CASP6: variants seen among roughly 807,000 people sequenced by gnomAD.
The protein encoded by CASP6 is caspase-6.
CASP6 carries 20 observed loss-of-function variants against 31.8 expected under a neutral mutation model. The ratio of observed to expected loss-of-function variants is 0.63; its 90% CI spans 0.44 to 0.91. The LOEUF (loss-of-function observed/expected upper bound fraction) is 0.91, where lower values mean the gene tolerates loss of function less well. CASP6 is among the 40% of genes least tolerant of loss of function. The probability of loss-of-function intolerance (pLI) is 0.00; values close to 1 mark genes in which losing one functional copy is unlikely to be tolerated. For synonymous variants in CASP6, 130 were observed against 127.8 expected (o/e 1.02, Z -0.12); for missense variants, 328 against 361.1 (o/e 0.91, Z 0.74).
chr4:109,680,255 G>A, the CASP6 span, among the ~76,000 whole-genome samples: 1 of 152,188 alleles, frequency 6.6e-6, no homozygotes, highest in African/African-American at 2.4e-5. Flanking sequence ...GGTATGAGAA[G>A]TTTATTTCTC....
At chr4:109,690,394 A>T (rs897247684) in intron 6 of CASP6, among the ~76,000 whole-genome samples, 3 of 151,936 alleles carry the variant, frequency 2.0e-5, no homozygotes, top group African/African-American at 7.2e-5. Flanking sequence ...ATGGTGGTGC[A>T]TGCCTATAGT....
At chr4:109,696,626 G>T (rs1037682862) in intron 3 of CASP6, 140 bp from the exon 4 acceptor site, 3 of 579,024 alleles carry the variant, frequency 5.2e-6, no homozygotes, top group Non-Finnish European at 9.1e-6. Flanking sequence ...TATAACAATG[G>T]TGGTTTTCCC....
At chr4:109,688,322 T>C (rs1259312845), downstream of CASP6, 2 of 152,158 alleles carry the variant, frequency 1.3e-5, no homozygotes, top group East Asian at 3.8e-4. Flanking sequence ...TTAATGTGAT[T>C]GTGTGTGAAT....
the CASP6 span, chr4:109,664,531 C>A: frequency 1.8e-6 from 1 of 556,046 alleles, no homozygotes; most frequent in Non-Finnish European, 3.2e-6. Context: ...CTCAAACAAT[C>A]CTCCCACCTC....
chr4:109,665,379 A>G, the CASP6 span, among the ~76,000 whole-genome samples: 2 of 152,178 alleles, frequency 1.3e-5, no homozygotes, highest in South Asian at 4.1e-4. Flanking sequence ...GCTTATATCA[A>G]TTAGCCTATG....
the CASP6 span, among the ~76,000 whole-genome samples, chr4:109,671,520 T>C: frequency 6.6e-6 from 1 of 152,226 alleles, no homozygotes; most frequent in African/African-American, 2.4e-5. Flanking sequence ...GATGAGCCCA[T>C]CAAAGGCATT....
chr4:109,698,228 T>A, intron 2 of CASP6, 72 bp downstream of exon 2: 1 of 1,500,102 alleles, frequency 6.7e-7, no homozygotes, highest in South Asian at 1.3e-5. Context: ...GACCCATTCT[T>A]GCTTTGATTT....
chr4:109,681,475 T>A, the CASP6 span: 3 of 453,964 alleles, frequency 6.6e-6, no homozygotes. Context: ...ACTCCCAAGA[T>A]GGTCGTGGGC....
downstream of CASP6, chr4:109,687,469 G>C (rs200086615): frequency 7.5e-7 from 1 of 1,330,456 alleles, no homozygotes; most frequent in African/African-American, 1.4e-5. Context: ...ATGTTGGTAT[G>C]TTTCTCTTCT....
chr4:109,697,232 AT>A (rs5030553), intron 3 of CASP6, among the ~76,000 whole-genome samples: 1 of 151,696 alleles, frequency 6.6e-6, no homozygotes, highest in Non-Finnish European at 1.5e-5. Flanking sequence ...TTAATTTTTA[AT>A]TTTTTTTAAC....
chr4:109,677,185 G>T, the CASP6 span, among the ~76,000 whole-genome samples: 774 of 152,338 alleles, frequency 5.1e-3, 3 homozygotes, highest in African/African-American at 0.018. Context: ...TTGGACTTAC[G>T]TGGGACCAGT....
downstream of CASP6, among the ~76,000 whole-genome samples, chr4:109,685,681 CTG>C (rs1228200634): frequency 3.9e-5 from 6 of 152,318 alleles, no homozygotes; most frequent in Admixed American, 1.3e-4. Flanking sequence ...AAGGTGAACA[CTG>C]TGATAAGGAA....
the CASP6 span, chr4:109,674,199 G>A: frequency 6.2e-6 from 5 of 806,276 alleles, no homozygotes; most frequent in East Asian, 2.4e-5. Flanking sequence ...TATTATTGTT[G>A]GAAATAAACT....
downstream of CASP6, chr4:109,684,776 TTTA>T (rs1729799276): frequency 3.4e-6 from 2 of 585,920 alleles, no homozygotes; most frequent in Non-Finnish European, 6.0e-6. Context: ...TGGTAAATTT[TTTA>T]TTGTTTTTCA....
downstream of CASP6, chr4:109,687,809 A>G: frequency 1.9e-6 from 1 of 535,288 alleles, no homozygotes; most frequent in Non-Finnish European, 3.3e-6. Context: ...TATCAAAGCA[A>G]CGGTGGCTGC....
At chr4:109,672,667 A>G in the CASP6 span, among the ~76,000 whole-genome samples, 1 of 152,202 alleles carries the variant, frequency 6.6e-6, no homozygotes, top group Non-Finnish European at 1.5e-5. Flanking sequence ...GAAAATCATC[A>G]CTTTGCAGCC....
In CASP6 at chr4:109,691,002, C is replaced by T. The variant is rs758261273; in HGVS notation, c.491G>A (p.Arg164Gln). 3.1e-5 allele frequency: 50 copies of T among 1,609,858 alleles called. 1 individual carries two copies. The South Asian group carries it at 4.1e-4, about 13-fold the overall frequency. ...KPKIFIIQAC[R>Q]GNQHDVPVIP... is the part of the protein sequence containing the mutation. ...GACTGGCACATCGTGCTGGTTTCCCCGACATGCCTACAAGACAAGGAGGAA... is the reference window on the plus strand; with the variant it reads ...GACTGGCACATCGTGCTGGTTTCCCTGACATGCCTACAAGACAAGGAGGAA... The change falls in exon 6 of 7, where the codon CGG becomes CAG. Residue 164 changes from arginine (R) to glutamine (Q), a missense_variant. Arg to Gln is a conservative substitution (Grantham distance 43). Transcript: ENST00000265164.
chr4:109,696,580 C>T (rs992549036), intron 3 of CASP6, 94 bp from the exon 4 acceptor site: 2 of 757,426 alleles, frequency 2.6e-6, no homozygotes, highest in African/African-American at 1.8e-5. Flanking sequence ...TTTAACGACA[C>T]ATAAATTTGC....
intron 1 of CASP6, among the ~76,000 whole-genome samples, chr4:109,699,435 T>C (rs1398619978): frequency 6.6e-6 from 1 of 152,112 alleles, no homozygotes; most frequent in African/African-American, 2.4e-5. Context: ...GGGAATTCAG[T>C]TCAAGTCCCT....
Sources: gnomAD v4.1 joint callset for allele counts (sites outside exome capture counted in the v4.1 genomes callset) on GRCh38, gnomAD v4.1.1 for gene constraint, MANE v1.5 for transcripts, NCBI Gene and HGNC (gene_info 2026-07-23, HGNC 2026-07-21) for gene names.